The following C6orf163 variants were observed in gnomAD, a reference collection of about 807,000 sequenced individuals.
C6orf163 encodes uncharacterized protein C6orf163.
In C6orf163, 22 loss-of-function variants were observed where a neutral mutation model predicts 28.4. The ratio of observed to expected loss-of-function variants is 0.78; its 90% confidence interval spans 0.55 to 1.11. The LOEUF is 1.11. Ranked by LOEUF, C6orf163 falls within the 50% of genes least tolerant of loss-of-function variation. C6orf163 has a pLI of 0.00. For missense variants in C6orf163, 342 were observed against 389.1 expected (o/e 0.88, Z 1.02); for synonymous variants, 110 against 123.6 (o/e 0.89, Z 0.73).
intron 4 of C6orf163, among the ~76,000 whole-genome samples, chr6:87,359,885 A>G (rs1320511868): frequency 6.6e-6 from 1 of 152,206 alleles, no homozygotes; most frequent in African/African-American, 2.4e-5. Flanking sequence ...ATGCCAGAAG[A>G]ACCTCACTGC....
In C6orf163 at chr6:87,365,344, A is replaced by G; in HGVS notation, c.938A>G (p.Lys313Arg). ...GCAGATTTTATTCTGCCAGAAAGAAAGAAAACACCTTCTAATCTTGTTATT... is the reference window on the plus strand; with the variant it reads ...GCAGATTTTATTCTGCCAGAAAGAAGGAAAACACCTTCTAATCTTGTTATT... ...GHADFILPERKKTPSNLVIKE... is the reference protein window; with the variant it reads ...GHADFILPERRKTPSNLVIKE... Residue 313 changes from lysine to arginine, a missense_variant, in exon 5 of 5, where the codon AAG becomes AGG. Coordinates refer to ENST00000388923, the MANE Select transcript of C6orf163 (RefSeq NM_001010868.3). The G allele has an allele frequency of 3.2e-6, 5 of 1,550,684 alleles. No individual in the cohort carries two copies. Among genetic ancestry groups the G allele is most frequent in the Non-Finnish European group, 4.4e-6 (5 of 1,146,566 alleles).
intron 4 of C6orf163, among the ~76,000 whole-genome samples, chr6:87,361,315 G>C (rs189174209): frequency 6.6e-6 from 1 of 152,172 alleles, no homozygotes; most frequent in East Asian, 1.9e-4. Context: ...AGAAAAGTTG[G>C]AAAGATTTTT....
chr6:87,347,110 C>T (rs1014411958), intron 1 of C6orf163, among the ~76,000 whole-genome samples: 4 of 152,174 alleles, frequency 2.6e-5, no homozygotes. Flanking sequence ...CTCGTGTTAC[C>T]CCTTAGCTGT....
At chr6:87,347,311 ATGTGCATTTTT>A (rs1178326773) in intron 1 of C6orf163, 2 of 728,420 alleles carry the variant, frequency 2.7e-6, no homozygotes, top group African/African-American at 3.9e-5. Context: ...CTTTTACAGT[ATGTGCATTTTT>A]AAAAAAAGCT....
At chr6:87,353,882 C>G (rs954783790) in intron 3 of C6orf163, among the ~76,000 whole-genome samples, 1 of 152,172 alleles carries the variant, frequency 6.6e-6, no homozygotes, top group African/African-American at 2.4e-5. Flanking sequence ...GAAATGGAGT[C>G]TCTCTGTAGC....
chr6:87,347,626 T>A, intron 1 of C6orf163: 1 of 985,384 alleles, frequency 1.0e-6, no homozygotes, highest in Non-Finnish European at 1.2e-6. Context: ...CATATACTTT[T>A]AATTGCTAGT....
intron 4 of C6orf163, chr6:87,358,198 G>C (rs1280298878): frequency 6.6e-6 from 1 of 151,964 alleles, no homozygotes; most frequent in Admixed American, 6.6e-5. Context: ...TAAGGATTCA[G>C]AACATTTATA....
Position 87,365,368 on chromosome 6 carries a change from T to C in C6orf163, c.962T>C (p.Ile321Thr). Residue 321 changes from isoleucine (I) to threonine (T), a missense_variant, in exon 5 of 5, where the codon ATT (isoleucine) becomes ACT (threonine). Coordinates refer to ENST00000388923, the MANE Select transcript of C6orf163 (RefSeq NM_001010868.3). ...ERKKTPSNLV[I>T]KENKTTLD ...AAGAAAACACCTTCTAATCTTGTTA[T>C]TAAGGAGAACAAAACAACTCTTGAT... is the stretch of plus-strand genomic sequence containing the variant. 4.5e-6 allele frequency: 7 copies of C among 1,544,002 alleles called. No individual in the cohort carries two copies. Among genetic ancestry groups the C allele is most frequent in the Non-Finnish European group, 6.1e-6 (7 of 1,143,546 alleles).
At chr6:87,355,268 AT>A (rs1777482234) in intron 3 of C6orf163, among the ~76,000 whole-genome samples, 1 of 152,162 alleles carries the variant, frequency 6.6e-6, no homozygotes, top group Admixed American at 6.5e-5. Flanking sequence ...AGAGATAAAC[AT>A]TTACCTTTGG....
rs536171591 is a variant in C6orf163 at position 87,348,116 on chromosome 6, C to G, written c.149-696C>G. The G allele has an allele frequency of 3.7e-6, 3 of 821,240 alleles. No homozygotes were observed. The South Asian group carries it at 1.7e-4, about 45-fold the overall frequency. The allele number at this position is 821,240 out of a possible 1,614,324, so 50.9% of individuals were successfully genotyped here. ...GTTGCAGTGAGCCGAAATGGCGACACTGCACTGCAGGCTGGGCTACAAAGC... is the reference window on the plus strand; with the variant it reads ...GTTGCAGTGAGCCGAAATGGCGACAGTGCACTGCAGGCTGGGCTACAAAGC... On this transcript the variant is annotated intron_variant, in intron 1 of 4. Transcript: ENST00000388923.
At chr6:87,363,590 T>G (rs967733253) in intron 4 of C6orf163, among the ~76,000 whole-genome samples, 2 of 151,978 alleles carry the variant, frequency 1.3e-5, no homozygotes, top group Non-Finnish European at 2.9e-5. Flanking sequence ...AGTGAGAATA[T>G]GCAGTGTTTG....
chr6:87,348,573 T>C, intron 1 of C6orf163: 1 of 1,271,372 alleles, frequency 7.9e-7, no homozygotes, highest in Non-Finnish European at 9.9e-7. Flanking sequence ...TTGTCTGCTG[T>C]GTGGACTGGG....
intron 4 of C6orf163, among the ~76,000 whole-genome samples, chr6:87,362,702 A>G (rs931859401): frequency 6.6e-6 from 1 of 152,120 alleles, no homozygotes; most frequent in African/African-American, 2.4e-5. Flanking sequence ...AAGACTAGGG[A>G]AGTCTGTCAG....
intron 3 of C6orf163, among the ~76,000 whole-genome samples, chr6:87,350,753 C>T (rs1777400941): frequency 6.6e-6 from 1 of 152,212 alleles, no homozygotes; most frequent in Admixed American, 6.5e-5. Flanking sequence ...GCCACCCACA[C>T]ACTGTCCATG....
intron 1 of C6orf163, 130 bp from the exon 2 acceptor site, chr6:87,348,682 A>G: frequency 2.1e-6 from 3 of 1,421,940 alleles, no homozygotes; most frequent in Non-Finnish European, 2.7e-6. Flanking sequence ...TATCTTTGAA[A>G]TATATATACT....
In C6orf163 at chr6:87,363,833, A is replaced by G. The variant is rs138971095; in HGVS notation, c.555-1128A>G. On this transcript the variant is annotated intron_variant, in intron 4 of 4. Transcript: ENST00000388923. ...CGTGTGCATGTGTCTTTATAGCAGC[A>G]TAACACTAAGACTTTATTTGCCTTT... 2.4e-3 allele frequency among the ~76,000 whole-genome samples: 372 copies of G among 152,328 alleles called. 1 individual carries two copies. The highest frequency in any genetic ancestry group is 8.6e-3 in the African/African-American group (358 of 41,574).
At position 87,365,034 on chromosome 6, in the gene C6orf163, A is replaced by T. The variant is rs1210419242; in HGVS notation, c.628A>T (p.Met210Leu). ...TGAGAAGACCAGTGTGGCCCGACTG[A>T]TGAGGGAAAAAGAACATGAAATGAG... ...KDEKTSVARL[M>L]REKEHEMSIL... The change falls in exon 5 of 5, where the codon ATG (methionine) becomes TTG (leucine). Residue 210 changes from methionine to leucine, a missense_variant. Physicochemically the swap from Met to Leu is conservative, Grantham distance 15. Coordinates refer to ENST00000388923, the MANE Select transcript of C6orf163 (RefSeq NM_001010868.3). The T allele has an allele frequency of 1.3e-6, 2 of 1,551,620 alleles. No individual in the cohort carries two copies. Among genetic ancestry groups the T allele is most frequent in the Non-Finnish European group, 1.7e-6 (2 of 1,146,980 alleles).
intron 3 of C6orf163, among the ~76,000 whole-genome samples, chr6:87,351,372 C>T (rs953655445): frequency 3.3e-5 from 5 of 152,184 alleles, no homozygotes; most frequent in Non-Finnish European, 7.4e-5. Context: ...CCAATTTATT[C>T]GTTGTTGCAA....
chr6:87,362,630 G>GA (rs1777597686), intron 4 of C6orf163, among the ~76,000 whole-genome samples: 1 of 152,168 alleles, frequency 6.6e-6, no homozygotes, highest in African/African-American at 2.4e-5. Context: ...TAGTTGGTGG[G>GA]AAAAGGAAGA....
Sources: allele counts gnomAD v4.1 joint callset (sites outside exome capture counted in the v4.1 genomes callset), GRCh38; gene constraint gnomAD v4.1.1; transcripts MANE v1.5; gene names NCBI Gene and HGNC (gene_info 2026-07-23, HGNC 2026-07-21).